Variants in EPB41L4A observed in about 807,000 individuals in gnomAD.
The protein encoded by EPB41L4A is erythrocyte membrane protein band 4.1 like 4A, also known as band 4.1-like protein 4A.
Under a neutral mutation model 108.6 loss-of-function variants are expected in EPB41L4A, and 100 were observed. That is an observed-to-expected ratio of 0.92 (90% CI 0.78 to 1.09). The LOEUF (loss-of-function observed/expected upper bound fraction) is 1.09. EPB41L4A is among the 50% of genes least tolerant of loss of function. The pLI is 0.00. For synonymous variants in EPB41L4A, 319 were observed against 289.0 expected (o/e 1.10, Z -1.05); for missense variants, 1,030 against 842.7 (o/e 1.22, Z -2.75).
intron 1 of EPB41L4A, among the ~76,000 whole-genome samples, chr5:112,377,444 T>A (rs1759890854): frequency 6.6e-6 from 1 of 151,936 alleles, no homozygotes; most frequent in African/African-American, 2.4e-5. Flanking sequence ...AAATGAAAGG[T>A]TACTGGCCCA....
intron 17 of EPB41L4A, among the ~76,000 whole-genome samples, chr5:112,192,771 C>T (rs1561463520): frequency 6.6e-6 from 1 of 152,068 alleles, no homozygotes; most frequent in Non-Finnish European, 1.5e-5. Context: ...ATTTTGGCTC[C>T]CCCAAAAATG....
chr5:112,304,139 C>G (rs1468589365), intron 2 of EPB41L4A, among the ~76,000 whole-genome samples: 6 of 152,138 alleles, frequency 3.9e-5, no homozygotes, highest in Non-Finnish European at 7.4e-5. Context: ...TGGCAGAAGA[C>G]AGTGTTTGCA....
At chr5:112,210,033 G>T (rs746839200) in intron 12 of EPB41L4A, 51 bp from the exon 13 acceptor site, 1 of 1,092,164 alleles carries the variant, frequency 9.2e-7, no homozygotes, top group Non-Finnish European at 1.4e-6. Flanking sequence ...CAGTGATAAG[G>T]AAATGAAAGA....
At chr5:112,156,656 T>A (rs926015801) in intron 12 of EPB41L4A, among the ~76,000 whole-genome samples, 2 of 152,188 alleles carry the variant, frequency 1.3e-5, no homozygotes, top group Admixed American at 1.3e-4. Context: ...TGGCTGAAGA[T>A]CCTGTGATCC....
Position 112,225,726 on chromosome 5 carries a change from C to T in EPB41L4A, c.1087+8908G>A, listed in dbSNP as rs78694152. On this transcript the variant is annotated intron_variant, in intron 12 of 22. Coordinates refer to ENST00000261486, the MANE Select transcript of EPB41L4A (RefSeq NM_022140.5). Reference sequence around the variant, plus strand: ...ATAATGGTAACACATTAAATACTACCGGGCCCCTCTGCTTCTCTGCCCCCA... The same window carrying T: ...ATAATGGTAACACATTAAATACTACTGGGCCCCTCTGCTTCTCTGCCCCCA... 1.1e-4 allele frequency among the ~76,000 whole-genome samples: 16 copies of T among 152,236 alleles called. No individual in the cohort carries two copies. The East Asian group carries it at 3.1e-3, about 29-fold the overall frequency.
intron 1 of EPB41L4A, among the ~76,000 whole-genome samples, chr5:112,315,134 T>A (rs935278628): frequency 2.0e-5 from 3 of 152,194 alleles, no homozygotes; most frequent in Non-Finnish European, 4.4e-5. Flanking sequence ...GTCAAAATCC[T>A]ACTTATCCTT....
chr5:112,305,851 T>C (rs1754649622), intron 2 of EPB41L4A, among the ~76,000 whole-genome samples: 1 of 152,138 alleles, frequency 6.6e-6, no homozygotes, highest in South Asian at 2.1e-4. Flanking sequence ...ATGTGTCATT[T>C]CTCCTAAAAC....
At chr5:112,244,542 T>C (rs1030408685) in intron 9 of EPB41L4A, among the ~76,000 whole-genome samples, 9 of 152,182 alleles carry the variant, frequency 5.9e-5, no homozygotes, top group African/African-American at 1.7e-4. Context: ...GCAGATTTTA[T>C]AGGCAGGCTG....
chr5:112,344,889 C>A (rs1757541567), intron 1 of EPB41L4A, among the ~76,000 whole-genome samples: 1 of 152,198 alleles, frequency 6.6e-6, no homozygotes, highest in Non-Finnish European at 1.5e-5. Flanking sequence ...GAGTGCTTGA[C>A]TTTTATTTAA....
At chr5:112,308,767 G>A (rs115628297) in intron 1 of EPB41L4A, among the ~76,000 whole-genome samples, 1 of 152,238 alleles carries the variant, frequency 6.6e-6, no homozygotes, top group South Asian at 2.1e-4. Context: ...TGAAGGATAT[G>A]TATACTCATA....
At chr5:112,234,318 G>T (rs1749175493) in intron 12 of EPB41L4A, among the ~76,000 whole-genome samples, 1 of 151,702 alleles carries the variant, frequency 6.6e-6, no homozygotes, top group African/African-American at 2.4e-5. Context: ...GGAGGTCAAG[G>T]CAGCAGTGAG....
intron 22 of EPB41L4A, among the ~76,000 whole-genome samples, chr5:112,166,193 A>C (rs1356750601): frequency 6.6e-6 from 1 of 152,228 alleles, no homozygotes; most frequent in East Asian, 1.9e-4. Flanking sequence ...AGGCAAGGTG[A>C]GGTGTAAGGC....
chr5:112,410,736 C>T (rs1002868329), intron 1 of EPB41L4A, among the ~76,000 whole-genome samples: 11 of 152,214 alleles, frequency 7.2e-5, no homozygotes, highest in Non-Finnish European at 1.6e-4. Context: ...CCCTTATCGC[C>T]CAAGAATGGC....
At chr5:112,188,738 G>A (rs1761544735) in intron 17 of EPB41L4A, among the ~76,000 whole-genome samples, 1 of 152,162 alleles carries the variant, frequency 6.6e-6, no homozygotes. Flanking sequence ...ATCAGGGGCA[G>A]GACAGTAGGC....
At chr5:112,342,654 CT>C (rs1757389416) in intron 1 of EPB41L4A, among the ~76,000 whole-genome samples, 1 of 152,206 alleles carries the variant, frequency 6.6e-6, no homozygotes, top group South Asian at 2.1e-4. Context: ...GCAGGAGCAA[CT>C]GCCTCCATGG....
intron 1 of EPB41L4A, among the ~76,000 whole-genome samples, chr5:112,380,755 C>T (rs1044667676): frequency 4.0e-5 from 6 of 150,732 alleles, no homozygotes; most frequent in African/African-American, 1.5e-4. Flanking sequence ...AACTTCAGTA[C>T]CAAAAAGAGA....
At chr5:112,308,912 G>A (rs1407474601) in intron 1 of EPB41L4A, among the ~76,000 whole-genome samples, 2 of 152,104 alleles carry the variant, frequency 1.3e-5, no homozygotes, top group Admixed American at 6.5e-5. Context: ...GGGAATAAAG[G>A]AAATGTTTTA....
intron 1 of EPB41L4A, among the ~76,000 whole-genome samples, chr5:112,410,121 C>A (rs530505465): frequency 1.3e-5 from 2 of 152,146 alleles, no homozygotes; most frequent in Non-Finnish European, 1.5e-5. Flanking sequence ...TGATACATCA[C>A]TCAAACAAAA....
chr5:112,348,207 GTCC>G (rs1198604595), intron 1 of EPB41L4A, among the ~76,000 whole-genome samples: 1 of 152,068 alleles, frequency 6.6e-6, no homozygotes, highest in East Asian at 1.9e-4. Flanking sequence ...AGCTTTCAAA[GTCC>G]TCCTCAAGTC....
Sources: gnomAD v4.1 joint callset for allele counts (sites outside exome capture counted in the v4.1 genomes callset) on GRCh38, gnomAD v4.1.1 for gene constraint, MANE v1.5 for transcripts, NCBI Gene and HGNC (gene_info 2026-07-23, HGNC 2026-07-21) for gene names.